The following LRRC7 variants were observed in gnomAD, a reference collection of about 807,000 sequenced individuals.
LRRC7 encodes leucine rich repeat containing 7.
Under a neutral mutation model 175.7 loss-of-function variants are expected in LRRC7, and 23 were observed. The ratio of observed to expected loss-of-function variants is 0.13; its 90% CI spans 0.09 to 0.19. The LOEUF is 0.19. Among genes scored for constraint, LRRC7 ranks in the 10% least tolerant of loss-of-function variants. The pLI is 1.00. For missense variants in LRRC7, 1,354 were observed against 1,904.7 expected (o/e 0.71, Z 5.38); for synonymous variants, 685 against 680.9 (o/e 1.01, Z -0.09).
At chr1:69,790,706 C>T (rs775626530) in intron 3 of LRRC7, among the ~76,000 whole-genome samples, 8 of 151,860 alleles carry the variant, frequency 5.3e-5, no homozygotes, top group South Asian at 2.1e-4. Flanking sequence ...GTGTAGGCAT[C>T]TGTTTTCCTA....
intron 7 of LRRC7, chr1:69,873,559 G>T (rs551303159): frequency 9.3e-5 from 48 of 517,210 alleles, no homozygotes; most frequent in African/African-American, 8.9e-4. Context: ...AGCTTTTCGG[G>T]CACCAGAAAT....
At chr1:69,906,657 C>T (rs372429442) in intron 7 of LRRC7, among the ~76,000 whole-genome samples, 1 of 152,108 alleles carries the variant, frequency 6.6e-6, no homozygotes, top group African/African-American at 2.4e-5. Flanking sequence ...GTTTTGGTTA[C>T]TGTAGCCTTG....
intron 4 of LRRC7, among the ~76,000 whole-genome samples, chr1:69,816,380 T>G (rs1291292250): frequency 6.6e-6 from 1 of 152,202 alleles, no homozygotes; most frequent in Non-Finnish European, 1.5e-5. Context: ...CGTATCACCT[T>G]GGGTGTTAGG....
intron 2 of LRRC7, among the ~76,000 whole-genome samples, chr1:69,746,474 T>C (rs1413555830): frequency 6.6e-6 from 1 of 152,132 alleles, no homozygotes; most frequent in Non-Finnish European, 1.5e-5. Flanking sequence ...TTTGTAATCT[T>C]ATTGAACATT....
At chr1:70,088,985 A>C (rs534966554) in intron 24 of LRRC7, among the ~76,000 whole-genome samples, 1 of 152,274 alleles carries the variant, frequency 6.6e-6, no homozygotes, top group Non-Finnish European at 1.5e-5. Flanking sequence ...ACAGAACATT[A>C]GAATGTTTGC....
chr1:69,965,409 G>T (rs1382491627), intron 8 of LRRC7, among the ~76,000 whole-genome samples: 1 of 152,016 alleles, frequency 6.6e-6, no homozygotes. Flanking sequence ...TATTTAAATG[G>T]AATATATTAT....
Position 69,597,554 on chromosome 1 carries a change from C to T in LRRC7, c.2+28913C>T, listed in dbSNP as rs535422302. ...CTGGTCTCACTAGCTATAATTTGAG[C>T]AATACATCTTCCAGATGGAATTTGA... On this transcript the variant is annotated intron_variant, in intron 1 of 26. Coordinates refer to ENST00000651989, the MANE Select transcript of LRRC7 (RefSeq NM_001370785.2). 3.9e-5 allele frequency among the ~76,000 whole-genome samples: 6 copies of T among 152,188 alleles called. No individual in the cohort carries two copies. In the South Asian group the frequency reaches 1.0e-3, roughly 26 times the overall value.
At chr1:70,120,240 A>G (rs1376363074) in intron 26 of LRRC7, among the ~76,000 whole-genome samples, 6 of 152,134 alleles carry the variant, frequency 3.9e-5, no homozygotes, top group Non-Finnish European at 7.4e-5. Context: ...GTTTCCTGAC[A>G]CTGAAACAGC....
intron 23 of LRRC7, among the ~76,000 whole-genome samples, chr1:70,069,978 G>A (rs1662260449): frequency 6.6e-6 from 1 of 151,754 alleles, no homozygotes; most frequent in South Asian, 2.1e-4. Context: ...CTGTTTCTTT[G>A]CTGAGACTTT....
intron 2 of LRRC7, among the ~76,000 whole-genome samples, chr1:69,739,215 T>G (rs900342393): frequency 2.6e-5 from 4 of 151,848 alleles, no homozygotes; most frequent in African/African-American, 4.8e-5. Context: ...ACTTAGAAAA[T>G]GAGAGATAGA....
At chr1:69,895,466 CT>C (rs1450946310) in intron 7 of LRRC7, among the ~76,000 whole-genome samples, 28 of 152,126 alleles carry the variant, frequency 1.8e-4, no homozygotes, top group Non-Finnish European at 8.8e-5. Context: ...TACTAATAAA[CT>C]CTAAATAAAA....
chr1:70,065,028 CCTT>C (rs1169290262), intron 23 of LRRC7, among the ~76,000 whole-genome samples: 2 of 151,912 alleles, frequency 1.3e-5, no homozygotes, highest in African/African-American at 4.8e-5. Context: ...TTCTGTTAAC[CCTT>C]CTTGGTTGAT....
At chr1:69,572,956 A>C (rs1266832173) in intron 1 of LRRC7, among the ~76,000 whole-genome samples, 1 of 152,148 alleles carries the variant, frequency 6.6e-6, no homozygotes, top group Non-Finnish European at 1.5e-5. Flanking sequence ...ATGCCATTTA[A>C]ATAATCAAAT....
At chr1:69,835,933 A>C (rs1472185090) in intron 6 of LRRC7, among the ~76,000 whole-genome samples, 1 of 151,870 alleles carries the variant, frequency 6.6e-6, no homozygotes, top group Non-Finnish European at 1.5e-5. Flanking sequence ...ATTATGAATA[A>C]TTTTTCTTGT....
intron 7 of LRRC7, among the ~76,000 whole-genome samples, chr1:69,912,812 G>A (rs1048593340): frequency 2.6e-5 from 4 of 152,132 alleles, no homozygotes; most frequent in Non-Finnish European, 5.9e-5. Context: ...AAAAGCAGTA[G>A]TGCAGTATTT....
intron 8 of LRRC7, among the ~76,000 whole-genome samples, chr1:69,936,405 A>G (rs1648029280): frequency 6.6e-6 from 1 of 152,092 alleles, no homozygotes; most frequent in African/African-American, 2.4e-5. Flanking sequence ...ATCTTCATTT[A>G]TTTTCTATTT....
Position 70,089,815 on chromosome 1 carries a change from A to G in LRRC7, c.4541A>G (p.Asp1514Gly). 6.3e-7 allele frequency: 1 copy of G among 1,589,674 alleles called. No individual in the cohort carries two copies. Among genetic ancestry groups the G allele is most frequent in the South Asian group, 1.1e-5 (1 of 89,742 alleles). ...CAAGGAAATCCATTCAAACCTTCTG[A>G]CAAGGTAAGAAATGAATATCTTGTT... ...SGQGNPFKPS[D>G]KGIFVTRVQP... Residue 1514 changes from aspartate to glycine, a missense_variant, in exon 25 of 27, where the codon GAC becomes GGC. This residue lies in a region of LRRC7 where 53 missense variants were observed against 112.6 expected (regional missense o/e 0.47). Transcript: ENST00000651989.
chr1:69,893,635 A>T (rs2101649519), intron 7 of LRRC7, among the ~76,000 whole-genome samples: 1 of 152,368 alleles, frequency 6.6e-6, no homozygotes, highest in African/African-American at 2.4e-5. Context: ...TACAATAATT[A>T]CCATAAATAT....
chr1:69,683,840 A>G (rs1174383974), intron 2 of LRRC7, among the ~76,000 whole-genome samples: 1 of 151,986 alleles, frequency 6.6e-6, no homozygotes, highest in Non-Finnish European at 1.5e-5. Flanking sequence ...ACTGGAGTCA[A>G]TAGAATAATT....
Sources: allele counts gnomAD v4.1 joint callset (sites outside exome capture counted in the v4.1 genomes callset), GRCh38; gene constraint gnomAD v4.1.1; regional missense constraint gnomAD v4.1.1; transcripts MANE v1.5; gene names NCBI Gene and HGNC (gene_info 2026-07-23, HGNC 2026-07-21).